Variants in KCNN2 observed in about 807,000 individuals in gnomAD.
KCNN2 encodes the protein potassium calcium-activated channel subfamily N member 2.
In KCNN2, 24 loss-of-function variants were observed where a neutral mutation model predicts 55.5. That is an observed-to-expected ratio of 0.43 (90% CI 0.31 to 0.61). The LOEUF (loss-of-function observed/expected upper bound fraction) is 0.61, where lower values mean the gene tolerates loss of function less well. Among genes scored for constraint, KCNN2 ranks in the 20% least tolerant of loss-of-function variants. The pLI is 0.08. For missense variants in KCNN2, 754 were observed against 853.6 expected (o/e 0.88, Z 1.45); for synonymous variants, 431 against 336.1 (o/e 1.28, Z -3.09).
At position 114,363,907 on chromosome 5, in the gene KCNN2, C is replaced by A. The variant is rs2150046628; in HGVS notation, c.1124C>A (p.Ala375Glu). 1 of 1,611,952 alleles carries A rather than the reference C, an allele frequency of 6.2e-7. No individual in the cohort carries two copies. Among genetic ancestry groups the A allele is most frequent in the South Asian group, 1.1e-5 (1 of 91,006 alleles). ...TELSWGAYDK[A>E]SLYSLALKCL... ...TGCTTCTGTCTGACTGTGTTGCAGG[C>A]GTCGCTGTATTCCTTAGCTCTGAAA... Residue 375 changes from alanine (A) to glutamate (E), a missense_variant and splice_region_variant, in exon 2 of 8, where the codon GCG becomes GAG. Coordinates refer to ENST00000673685, the MANE Select transcript of KCNN2 (RefSeq NM_021614.4).
intron 3 of KCNN2, among the ~76,000 whole-genome samples, chr5:114,407,024 A>G (rs185144505): frequency 2.0e-5 from 3 of 152,166 alleles, no homozygotes; most frequent in Non-Finnish European, 2.9e-5. Context: ...GTCTGATGCC[A>G]TGCTCCTTTT....
intron 7 of KCNN2, among the ~76,000 whole-genome samples, chr5:114,494,953 A>C (rs753793745): frequency 5.3e-5 from 8 of 152,108 alleles, no homozygotes; most frequent in Non-Finnish European, 1.0e-4. Flanking sequence ...GGCTTAAATA[A>C]AGGGATCTCA....
At chr5:114,144,859 TG>T (rs201963277) in intron 1 of KCNN2, among the ~76,000 whole-genome samples, 3,382 of 119,436 alleles carry the variant, frequency 0.028, 132 homozygotes, top group African/African-American at 0.1. Flanking sequence ...ACATTAGTGA[TG>T]GGGGGGTATA....
At chr5:114,200,540 G>T (rs985130130) in intron 1 of KCNN2, among the ~76,000 whole-genome samples, 2 of 152,000 alleles carry the variant, frequency 1.3e-5, no homozygotes, top group Non-Finnish European at 2.9e-5. Context: ...ACTGGAATCT[G>T]TTGCTGGACA....
intron 1 of KCNN2, among the ~76,000 whole-genome samples, chr5:114,124,167 G>C (rs1400275825): frequency 6.6e-6 from 1 of 152,108 alleles, no homozygotes; most frequent in African/African-American, 2.4e-5. Flanking sequence ...TTTGAGGTCA[G>C]GATGATAAAT....
At chr5:114,375,031 T>A (rs972243804) in intron 2 of KCNN2, among the ~76,000 whole-genome samples, 2 of 152,192 alleles carry the variant, frequency 1.3e-5, no homozygotes, top group Non-Finnish European at 2.9e-5. Flanking sequence ...AAAGACATAC[T>A]GATTTTTCAG....
chr5:114,397,313 T>C (rs1047205771), intron 2 of KCNN2, among the ~76,000 whole-genome samples: 1 of 152,220 alleles, frequency 6.6e-6, no homozygotes, highest in African/African-American at 2.4e-5. Flanking sequence ...CTTTCCACAA[T>C]GGCTGAACTC....
chr5:114,357,597 A>G (rs1279635933), upstream of KCNN2, among the ~76,000 whole-genome samples: 1 of 125,086 alleles, frequency 8.0e-6, no homozygotes, highest in Non-Finnish European at 1.7e-5. Flanking sequence ...ATGATTTCCA[A>G]TTTCATCCAT....
chr5:114,431,762 T>G (rs1759801320), intron 3 of KCNN2, among the ~76,000 whole-genome samples: 2 of 152,212 alleles, frequency 1.3e-5, no homozygotes, highest in Admixed American at 1.3e-4. Flanking sequence ...ATCTCACAAA[T>G]TTTGATACAT....
intron 2 of KCNN2, among the ~76,000 whole-genome samples, chr5:114,315,723 T>G (rs56979587): frequency 0.045 from 6,840 of 152,160 alleles, 522 homozygotes; most frequent in African/African-American, 0.16. Flanking sequence ...ATTGAAATGA[T>G]GTGTTTATTG....
chr5:114,425,489 C>T (rs1173087191), intron 3 of KCNN2, among the ~76,000 whole-genome samples: 4 of 152,192 alleles, frequency 2.6e-5, no homozygotes, highest in Non-Finnish European at 5.9e-5. Context: ...GACAATCCCT[C>T]CTTTGCACAC....
intron 1 of KCNN2, among the ~76,000 whole-genome samples, chr5:114,104,562 T>G (rs1466361389): frequency 6.6e-6 from 1 of 152,086 alleles, no homozygotes; most frequent in Non-Finnish European, 1.5e-5. Flanking sequence ...GTAGCATGTT[T>G]GTTTGCAATA....
chr5:114,308,694 G>A (rs1756338923), intron 2 of KCNN2, among the ~76,000 whole-genome samples: 1 of 152,162 alleles, frequency 6.6e-6, no homozygotes, highest in Non-Finnish European at 1.5e-5. Context: ...AGTTGGAGCT[G>A]AAAGATGCTA....
intron 2 of KCNN2, among the ~76,000 whole-genome samples, chr5:114,298,561 G>GA (rs1163688719): frequency 6.6e-6 from 1 of 151,946 alleles, no homozygotes; most frequent in Admixed American, 6.6e-5. Context: ...CTTGTTAGGT[G>GA]AAAAAAACAG....
intron 2 of KCNN2, among the ~76,000 whole-genome samples, chr5:114,299,581 T>A (rs1756108933): frequency 6.6e-6 from 1 of 152,240 alleles, no homozygotes; most frequent in Non-Finnish European, 1.5e-5. Context: ...TGCTATCCTC[T>A]GGAAAGGATG....
intron 1 of KCNN2, among the ~76,000 whole-genome samples, chr5:114,085,023 A>T (rs1362406534): frequency 6.8e-6 from 1 of 148,024 alleles, no homozygotes; most frequent in Non-Finnish European, 1.5e-5. Flanking sequence ...ATATATATAT[A>T]TTTTCTGTTC....
chr5:114,102,214 G>A (rs1055125787), intron 1 of KCNN2, among the ~76,000 whole-genome samples: 2 of 151,756 alleles, frequency 1.3e-5, no homozygotes, highest in Non-Finnish European at 2.9e-5. Context: ...TGTGTCTGTT[G>A]GCCACATAAA....
intron 2 of KCNN2, among the ~76,000 whole-genome samples, chr5:114,245,924 A>T (rs1472519890): frequency 6.6e-6 from 1 of 152,132 alleles, no homozygotes; most frequent in African/African-American, 2.4e-5. Context: ...TATCTACTAA[A>T]ACTCACAGAA....
chr5:114,201,350 T>G (rs915517479), intron 1 of KCNN2, among the ~76,000 whole-genome samples: 4 of 152,116 alleles, frequency 2.6e-5, no homozygotes, highest in African/African-American at 9.7e-5. Context: ...AGCTGCCTCA[T>G]CTCAAACATG....
Sources: allele counts gnomAD v4.1 joint callset (sites outside exome capture counted in the v4.1 genomes callset), GRCh38; gene constraint gnomAD v4.1.1; transcripts MANE v1.5; gene names NCBI Gene and HGNC (gene_info 2026-07-23, HGNC 2026-07-21).